DLK2: variants seen among roughly 807,000 people sequenced by gnomAD.
The protein encoded by DLK2 is protein delta homolog 2.
In DLK2, 9 loss-of-function variants were observed where a neutral mutation model predicts 31.3. That is an observed-to-expected ratio of 0.29 (90% CI 0.17 to 0.50). The LOEUF (loss-of-function observed/expected upper bound fraction) is 0.50, where lower values mean the gene tolerates loss of function less well. DLK2 is among the 20% of genes least tolerant of loss of function. The pLI, the probability that DLK2 is intolerant of heterozygous loss-of-function variation, is 0.98. For missense variants in DLK2, 387 were observed against 526.1 expected (o/e 0.74, Z 2.59); for synonymous variants, 169 against 201.2 (o/e 0.84, Z 1.35).
At chr6:43,454,653 C>T in intron 2 of DLK2, 97 bp downstream of exon 2, 2 of 1,457,942 alleles carry the variant, frequency 1.4e-6, no homozygotes, top group Non-Finnish European at 1.9e-6. Flanking sequence ...CCCCGCGGGT[C>T]GGAGCGACTG....
rs1314838965 is a variant in DLK2 at position 43,453,230 on chromosome 6, T to C, written c.141-95A>G. ...AGCTTCTAGAAACCAAGAGGACATATGACAGCCCCTAAGGGAAAGCAGACC... is the reference window on the plus strand; with the variant it reads ...AGCTTCTAGAAACCAAGAGGACATACGACAGCCCCTAAGGGAAAGCAGACC... On this transcript the variant is annotated intron_variant, in intron 3 of 5. Coordinates refer to ENST00000372488, the MANE Select transcript of DLK2 (RefSeq NM_023932.4). The surrounding 1 kb of genome is among the most constrained non-coding windows in gnomAD (Gnocchi z 4.1). The C allele has an allele frequency of 6.9e-7, 1 of 1,451,860 alleles. No homozygotes were observed. Among genetic ancestry groups the C allele is most frequent in the South Asian group, 1.4e-5 (1 of 70,716 alleles). 89.9% of individuals were successfully genotyped at this position (1,451,860 alleles called of 1,614,324 possible). A position where few individuals can be genotyped will look rare whatever the true frequency, so the allele number is the denominator to read the frequency against.
At chr6:43,452,172 C>G in intron 4 of DLK2, 88 bp from the exon 5 acceptor site, 1 of 1,568,402 alleles carries the variant, frequency 6.4e-7, no homozygotes, top group African/African-American at 1.4e-5. Context: ...GCCCCAGGTT[C>G]TGTAGGTGTG....
Position 43,454,737 on chromosome 6 carries a change from C to T in DLK2, c.76+13G>A, listed in dbSNP as rs1174581535. On this transcript the variant is annotated intron_variant, in intron 2 of 5. Transcript: ENST00000372488. Reference sequence around the variant, plus strand: ...GGACAGGGCCGCGACTGGAGCCCAGCGGGCGCGCTCACCTCGGACAGGCTG... The same window carrying T: ...GGACAGGGCCGCGACTGGAGCCCAGTGGGCGCGCTCACCTCGGACAGGCTG... 1.3e-6 allele frequency: 2 copies of T among 1,545,080 alleles called. No homozygotes were observed. Among genetic ancestry groups the T allele is most frequent in the Admixed American group, 2.0e-5 (1 of 51,154 alleles).
At chr6:43,452,431 A>G (rs1783803135) in intron 4 of DLK2, among the ~76,000 whole-genome samples, 1 of 152,074 alleles carries the variant, frequency 6.6e-6, no homozygotes, top group African/African-American at 2.4e-5. Flanking sequence ...AAATACAAAC[A>G]TTAGGCCGGT....
At chr6:43,452,250 G>A (rs1783794481) in intron 4 of DLK2, among the ~76,000 whole-genome samples, 166 bp from the exon 5 acceptor site, 1 of 152,204 alleles carries the variant, frequency 6.6e-6, no homozygotes. Flanking sequence ...TGAATTTGGA[G>A]TCAGGAGGCT....
At chr6:43,454,967 G>C in intron 1 of DLK2, 87 bp from the exon 2 acceptor site, 2 of 1,460,418 alleles carry the variant, frequency 1.4e-6, no homozygotes, top group South Asian at 1.4e-5. Flanking sequence ...CGACGAGGGA[G>C]AGGGGCGCCG....
Position 43,451,783 on chromosome 6 carries a change from G to T in DLK2, c.416+157C>A, listed in dbSNP as rs1391017555. 2 of 967,056 alleles carry T rather than the reference G, an allele frequency of 2.1e-6. No homozygotes were observed. The highest frequency in any genetic ancestry group is 2.5e-6 in the Non-Finnish European group (2 of 813,438). The allele number at this position is 967,056 out of a possible 1,614,324, so 59.9% of individuals were successfully genotyped here. On this transcript the variant is annotated intron_variant, in intron 5 of 5. Transcript: ENST00000372488. This position sits in a 1 kb window ranked among gnomAD's most constrained non-coding sequence, Gnocchi z 4.4. ...ACAAAAAAAAAAGTTGAGAAACCCT[G>T]AACTAGGAACACTTTGGCATGCAGG...
chr6:43,454,999 G>T (rs1165733329), intron 1 of DLK2, 119 bp from the exon 2 acceptor site: 12 of 1,289,502 alleles, frequency 9.3e-6, no homozygotes, highest in African/African-American at 1.5e-5. Context: ...GGGGATGGGG[G>T]TAGCGGGAGG....
Position 43,451,421 on chromosome 6 carries a change from A to C in DLK2, c.417-147T>G. On this transcript the variant is annotated intron_variant, in intron 5 of 5. Transcript: ENST00000372488. The surrounding 1 kb of genome is among the most constrained non-coding windows in gnomAD (Gnocchi z 4.4). ...ACCTCATTTTAAAAATGAGAATAAAAATAGTACCCAGCTTCCCTAATTGTG... is the reference window on the plus strand; with the variant it reads ...ACCTCATTTTAAAAATGAGAATAAACATAGTACCCAGCTTCCCTAATTGTG... 9.2e-7 allele frequency: 1 copy of C among 1,084,458 alleles called. No individual in the cohort carries two copies. The highest frequency in any genetic ancestry group is 1.3e-6 in the Non-Finnish European group (1 of 776,740). 67.2% of individuals were successfully genotyped at this position (1,084,458 alleles called of 1,614,324 possible). A position where few individuals can be genotyped will look rare whatever the true frequency, so the allele number is the denominator to read the frequency against.
chr6:43,452,061 A>G lies in DLK2; in HGVS notation c.295T>C (p.Ser99Pro). The G allele has an allele frequency of 6.2e-7, 1 of 1,614,154 alleles. No individual in the cohort carries two copies. The highest frequency in any genetic ancestry group is 8.5e-7 in the Non-Finnish European group (1 of 1,180,020). ...DKDEHICTTQSPCQNGGQCMY... is the reference protein window; with the variant it reads ...DKDEHICTTQPPCQNGGQCMY... ...CACTGGCCTCCATTCTGGCAGGGGG[A>G]CTGCGTGGTACAGATATGTTCATCT... Residue 99 changes from serine to proline, a missense_variant, in exon 5 of 6, where the codon TCC (serine) becomes CCC (proline). Ser to Pro is a moderately conservative substitution (Grantham distance 74). Transcript: ENST00000372488.
At chr6:43,455,271 C>G (rs1409903803) in intron 1 of DLK2, 124 bp downstream of exon 1, 1 of 165,842 alleles carries the variant, frequency 6.0e-6, no homozygotes, top group Non-Finnish European at 1.2e-5. Context: ...CCCCACAGCT[C>G]CGACAGCCCC....
Position 43,454,819 on chromosome 6 carries a change from T to C in DLK2, c.7A>G (p.Ser3Gly). The change falls in exon 2 of 6, where the codon AGC becomes GGC. Residue 3 changes from serine (S) to glycine (G), a missense_variant. Physicochemically the swap from Ser to Gly is moderately conservative, Grantham distance 56 (BLOSUM62 0). Transcript: ENST00000372488. The stretch of plus-strand genomic sequence containing the variant: ...ACGAGATGCAGGCAGCGGCAGCCGC[T>C]GGGCATGGTCAGCGCCGGCCCCAGG... MP[S>G]GCRCLHLVCL... The C allele has an allele frequency of 6.5e-7, 1 of 1,547,666 alleles. No individual in the cohort carries two copies. Among genetic ancestry groups the C allele is most frequent in the Non-Finnish European group, 8.7e-7 (1 of 1,153,552 alleles).
Position 43,450,676 on chromosome 6 carries a change from G to T in DLK2, c.1015C>A (p.Pro339Thr), listed in dbSNP as rs747440045. The T allele has an allele frequency of 2.0e-5, 33 of 1,613,850 alleles. No homozygotes were observed. Among genetic ancestry groups the T allele is most frequent in the Non-Finnish European group, 2.6e-5 (31 of 1,179,928 alleles). ...LRAWRRGVCPPGPCCYPAPHY... is the reference protein window; with the variant it reads ...LRAWRRGVCPTGPCCYPAPHY... The stretch of plus-strand genomic sequence containing the variant: ...GGGGCAGGGTAGCAACAGGGTCCAG[G>T]GGGGCAGACACCCCGGCGCCAGGCC... Residue 339 changes from proline (P) to threonine (T), a missense_variant, in exon 6 of 6, where the codon CCT (proline) becomes ACT (threonine). Physicochemically the swap from Pro to Thr is conservative, Grantham distance 38. Coordinates refer to ENST00000372488, the MANE Select transcript of DLK2 (RefSeq NM_023932.4). This position sits in a 1 kb window ranked among gnomAD's most constrained non-coding sequence, Gnocchi z 4.5.
At chr6:43,454,614 T>G in intron 2 of DLK2, 136 bp downstream of exon 2, 1 of 1,360,266 alleles carries the variant, frequency 7.4e-7, no homozygotes, top group Admixed American at 2.2e-5. Context: ...ACTCATCCCA[T>G]TCCAAAAAGG....
In DLK2 at chr6:43,453,196, C is replaced by T. The variant is rs1206240653; in HGVS notation, c.141-61G>A. 2 of 1,533,248 alleles carry T rather than the reference C, an allele frequency of 1.3e-6. No homozygotes were observed. The highest frequency in any genetic ancestry group is 2.3e-5 in the East Asian group (1 of 43,224). The allele number at this position is 1,533,248 out of a possible 1,614,324, so 95.0% of individuals were successfully genotyped here. ...CATGGATGTGAAGAAATGGAGGAGA[C>T]AGAACCAGAGCTTCTAGAAACCAAG... On this transcript the variant is annotated intron_variant, in intron 3 of 5. Coordinates refer to ENST00000372488, the MANE Select transcript of DLK2 (RefSeq NM_023932.4). This position sits in a 1 kb window ranked among gnomAD's most constrained non-coding sequence, Gnocchi z 4.1.
chr6:43,453,211 T>C lies in DLK2; in HGVS notation c.141-76A>G. On this transcript the variant is annotated intron_variant, in intron 3 of 5. Transcript: ENST00000372488. The surrounding 1 kb of genome is among the most constrained non-coding windows in gnomAD (Gnocchi z 4.1). ...ATGGAGGAGACAGAACCAGAGCTTC[T>C]AGAAACCAAGAGGACATATGACAGC... The C allele has an allele frequency of 6.7e-7, 1 of 1,502,362 alleles. No individual in the cohort carries two copies. The highest frequency in any genetic ancestry group is 1.3e-5 in the South Asian group (1 of 76,782). The allele number at this position is 1,502,362 out of a possible 1,614,324, so 93.1% of individuals were successfully genotyped here.
rs1783874295 is a variant in DLK2, at chr6:43,453,893, T to A, written c.140+518A>T. ...CCATATTTTAAAAGCCCTCCAGGGG[T>A]GAAGAGTCTCAAAGACCCCCAGCCA... is the stretch of plus-strand genomic sequence containing the variant. On this transcript the variant is annotated intron_variant, in intron 3 of 5. Coordinates refer to ENST00000372488, the MANE Select transcript of DLK2 (RefSeq NM_023932.4). The surrounding 1 kb of genome is among the most constrained non-coding windows in gnomAD (Gnocchi z 4.1). 6.6e-6 allele frequency among the ~76,000 whole-genome samples: 1 copy of A among 152,070 alleles called. No individual in the cohort carries two copies. The highest frequency in any genetic ancestry group is 2.1e-4 in the South Asian group (1 of 4,814).
At position 43,451,568 on chromosome 6, in the gene DLK2, C is replaced by T. The variant is rs1470527122; in HGVS notation, c.417-294G>A. On this transcript the variant is annotated intron_variant, in intron 5 of 5. Transcript: ENST00000372488. This position sits in a 1 kb window ranked among gnomAD's most constrained non-coding sequence, Gnocchi z 4.4. ...CCTGGGCCTGATGCAGAAATGAGGA[C>T]AAGTCCAGCCCTGCAGGCTGTTTCC... is the stretch of plus-strand genomic sequence containing the variant. Among the ~76,000 whole-genome samples the T allele has an allele frequency of 1.3e-5, 2 of 152,108 alleles. No homozygotes were observed. The highest frequency in any genetic ancestry group is 2.9e-5 in the Non-Finnish European group (2 of 68,038).
At position 43,454,744 on chromosome 6, in the gene DLK2, G is replaced by A. The variant is rs376920037; in HGVS notation, c.76+6C>T. ...GCCGCGACTGGAGCCCAGCGGGCGC[G>A]CTCACCTCGGACAGGCTGACCGGGA... is the stretch of plus-strand genomic sequence containing the variant. On this transcript the variant is annotated splice_donor_region_variant and intron_variant, in intron 2 of 5. Transcript: ENST00000372488. 48 of 1,548,048 alleles carry A rather than the reference G, an allele frequency of 3.1e-5. No homozygotes were observed. Among genetic ancestry groups the A allele is most frequent in the Non-Finnish European group, 3.9e-5 (45 of 1,151,822 alleles).
Sources: gnomAD v4.1 joint callset for allele counts (sites outside exome capture counted in the v4.1 genomes callset) on GRCh38, gnomAD v4.1.1 for gene constraint, Gnocchi (gnomAD v3.1) non-coding constraint, MANE v1.5 for transcripts, NCBI Gene and HGNC (gene_info 2026-07-23, HGNC 2026-07-21) for gene names.